ARSG: variants seen among roughly 807,000 people sequenced by gnomAD.
ARSG encodes the protein arylsulfatase G.
ARSG carries 37 observed loss-of-function variants against 50.5 expected under a neutral mutation model. That is an observed-to-expected ratio of 0.73 (90% CI 0.56 to 0.96). The LOEUF (loss-of-function observed/expected upper bound fraction) is 0.96, where lower values mean the gene tolerates loss of function less well. Among genes scored for constraint, ARSG ranks in the 50% least tolerant of loss-of-function variants. The pLI is 0.00. For synonymous variants in ARSG, 225 were observed against 254.6 expected (o/e 0.88, Z 1.11); for missense variants, 629 against 675.3 (o/e 0.93, Z 0.76).
At position 68,420,483 on chromosome 17, in the gene ARSG, CGAG is replaced by C. The variant is rs755752828; in HGVS notation, c.*27_*29del. ...GCATAACAGACCAATTTTTATTCCA[CGAG>C]GAGGAGTACCTGGAAATTAGGCAAG... On this transcript the variant is annotated 3_prime_UTR_variant, in exon 12 of 12. Transcript: ENST00000621439. 24 of 1,600,714 alleles carry C rather than the reference CGAG, an allele frequency of 1.5e-5. No individual in the cohort carries two copies. The highest frequency in any genetic ancestry group is 2.0e-5 in the Non-Finnish European group (23 of 1,170,172).
chr17:68,380,199 T>C (rs939863737), intron 8 of ARSG, among the ~76,000 whole-genome samples: 20 of 151,860 alleles, frequency 1.3e-4, no homozygotes, highest in African/African-American at 4.4e-4. Flanking sequence ...TCCTTCCTTC[T>C]ACCTTCCTTC....
intron 8 of ARSG, among the ~76,000 whole-genome samples, chr17:68,375,020 C>A (rs539356947): frequency 6.6e-6 from 1 of 152,236 alleles, no homozygotes; most frequent in East Asian, 1.9e-4. Flanking sequence ...AGGAACTATG[C>A]TTAGTGCTGG....
intron 2 of ARSG, among the ~76,000 whole-genome samples, chr17:68,326,478 A>G (rs1167540070): frequency 6.6e-6 from 1 of 152,224 alleles, no homozygotes; most frequent in African/African-American, 2.4e-5. Context: ...CAGCCTGGCC[A>G]AGATGGTGAA....
At chr17:68,413,565 T>C (rs2082150518) in intron 11 of ARSG, 2 of 152,140 alleles carry the variant, frequency 1.3e-5, no homozygotes, top group African/African-American at 4.8e-5. Context: ...TGCTGTCTTT[T>C]TGTTTGTCTG....
chr17:68,342,490 G>C (rs1420772988), intron 2 of ARSG, among the ~76,000 whole-genome samples: 1 of 151,480 alleles, frequency 6.6e-6, no homozygotes, highest in African/African-American at 2.4e-5. Flanking sequence ...AGTAGCTGGG[G>C]TTACAGGCAC....
chr17:68,373,507 G>A (rs760532103), intron 8 of ARSG, among the ~76,000 whole-genome samples: 2 of 152,182 alleles, frequency 1.3e-5, no homozygotes, highest in Non-Finnish European at 2.9e-5. Context: ...GGGATTACAG[G>A]CGTGAGCCAC....
At chr17:68,294,205 C>G (rs1030055397) in intron 1 of ARSG, among the ~76,000 whole-genome samples, 9 of 152,144 alleles carry the variant, frequency 5.9e-5, no homozygotes, top group Non-Finnish European at 1.2e-4. Context: ...TGGGCAAGAC[C>G]ATCATGATGC....
At position 68,408,123 on chromosome 17, in the gene ARSG, CT is replaced by C. The variant is rs1202055643; in HGVS notation, c.1303+6680del. 7.3e-5 allele frequency among the ~76,000 whole-genome samples: 11 copies of C among 151,512 alleles called. No individual in the cohort carries two copies. In the East Asian group the frequency reaches 9.7e-4, roughly 13 times the overall value. ...TTAACTAAACACTCTCTACATATTT[CT>C]TTTTTTATTATTATTATACTTTAAG... is the stretch of plus-strand genomic sequence containing the variant. On this transcript the variant is annotated intron_variant, in intron 11 of 11. Transcript: ENST00000621439.
intron 1 of ARSG, among the ~76,000 whole-genome samples, chr17:68,280,011 G>A (rs923499001): frequency 4.0e-5 from 6 of 151,622 alleles, no homozygotes; most frequent in African/African-American, 4.8e-5. Context: ...GCAAAACCCC[G>A]TCTCTACTAA....
intron 1 of ARSG, among the ~76,000 whole-genome samples, chr17:68,284,659 A>C (rs1555753859): frequency 6.6e-6 from 1 of 152,186 alleles, no homozygotes; most frequent in Non-Finnish European, 1.5e-5. Context: ...TTACTCTACA[A>C]ATCTTAAAAA....
At position 68,403,485 on chromosome 17, in the gene ARSG, T is replaced by C. The variant is rs145492875; in HGVS notation, c.1303+2035T>C. 2.9e-3 allele frequency among the ~76,000 whole-genome samples: 436 copies of C among 152,348 alleles called. 1 individual carries two copies. The highest frequency in any genetic ancestry group is 0.01 in the African/African-American group (427 of 41,584). On this transcript the variant is annotated intron_variant, in intron 11 of 11. Coordinates refer to ENST00000621439, the MANE Select transcript of ARSG (RefSeq NM_001267727.2). ...GGGAATAGGATGAAACAGGGGCATG[T>C]TCTGATTCCCTCTTCCTCTTGCTTC... is the stretch of plus-strand genomic sequence containing the variant.
chr17:68,434,775 G>T, the ARSG span: 1 of 743,000 alleles, frequency 1.3e-6, no homozygotes, highest in Non-Finnish European at 2.2e-6. Flanking sequence ...GTTTATTTAT[G>T]TGCCATATCA....
intron 1 of ARSG, among the ~76,000 whole-genome samples, chr17:68,301,799 G>A (rs934282895): frequency 1.3e-5 from 2 of 151,936 alleles, no homozygotes; most frequent in African/African-American, 4.8e-5. Flanking sequence ...GCTTGTGCCA[G>A]ACCTCAGCCT....
chr17:68,426,338 C>T (rs1197816740), downstream of ARSG, among the ~76,000 whole-genome samples: 3 of 152,086 alleles, frequency 2.0e-5, no homozygotes, highest in African/African-American at 7.2e-5. Flanking sequence ...TAATCCTCAC[C>T]ATCTGCCATC....
the ARSG span, chr17:68,451,032 A>C: frequency 8.0e-7 from 1 of 1,254,052 alleles, no homozygotes; most frequent in East Asian, 2.7e-5. Flanking sequence ...GCCCTCTCTG[A>C]GCTTGCATTG....
intron 2 of ARSG, among the ~76,000 whole-genome samples, chr17:68,319,066 T>G (rs1555769645): frequency 6.6e-6 from 1 of 152,182 alleles, no homozygotes; most frequent in Admixed American, 6.5e-5. Flanking sequence ...CAGGGGATTG[T>G]GATGAGGTCT....
the ARSG span, among the ~76,000 whole-genome samples, chr17:68,445,178 C>T: frequency 6.6e-6 from 1 of 152,124 alleles, no homozygotes; most frequent in Non-Finnish European, 1.5e-5. Context: ...CCTCGGCCTC[C>T]CAAAGTGCTG....
At position 68,273,820 on chromosome 17, in the gene ARSG, A is replaced by G; in HGVS notation, c.-552+14394A>G. The G allele has an allele frequency of 4.4e-6, 6 of 1,377,156 alleles. No homozygotes were observed. In the South Asian group the frequency reaches 8.2e-5, roughly 19 times the overall value. 85.3% of individuals were successfully genotyped at this position (1,377,156 alleles called of 1,614,324 possible). A position where few individuals can be genotyped will look rare whatever the true frequency, so the allele number is the denominator to read the frequency against. On this transcript the variant is annotated intron_variant, in intron 1 of 11. Transcript: ENST00000448504. ...CTGAGACACTGTTAATGTTAAAGAA[A>G]AAAAGAAAGAGAAAGAAATATAGTT... is the stretch of plus-strand genomic sequence containing the variant.
downstream of ARSG, chr17:68,425,790 G>A (rs1166297117): frequency 3.4e-5 from 12 of 351,716 alleles, no homozygotes; most frequent in Non-Finnish European, 4.2e-5. Context: ...CAGAAGCAAA[G>A]TAAGGGATCG....
Sources: allele counts gnomAD v4.1 joint callset (sites outside exome capture counted in the v4.1 genomes callset), GRCh38; gene constraint gnomAD v4.1.1; transcripts MANE v1.5; gene names NCBI Gene and HGNC (gene_info 2026-07-23, HGNC 2026-07-21).